The following FGGY variants were observed in gnomAD, a reference collection of about 807,000 sequenced individuals.
FGGY encodes the protein FGGY carbohydrate kinase domain-containing protein.
A neutral mutation model predicts 71.3 loss-of-function variants in FGGY; 72 were observed. The ratio of observed to expected loss-of-function variants is 1.01; its 90% CI spans 0.84 to 1.23. The LOEUF is 1.23. Ranked by LOEUF, FGGY falls within the 50% of genes most tolerant of loss-of-function variation. The pLI, the probability that FGGY is intolerant of heterozygous loss-of-function variation, is 0.00. For synonymous variants in FGGY, 251 were observed against 250.3 expected (o/e 1.00, Z -0.02); for missense variants, 668 against 682.3 (o/e 0.98, Z 0.23).
At chr1:59,742,832 G>T (rs528256431) in intron 14 of FGGY, among the ~76,000 whole-genome samples, 1 of 152,292 alleles carries the variant, frequency 6.6e-6, no homozygotes, top group South Asian at 2.1e-4. Context: ...CATGTCTCTT[G>T]AATTCTTCCA....
chr1:59,535,767 ATCT>A lies in FGGY; in HGVS notation c.800-18352_800-18350del, dbSNP rs1292136167. ...TAACGAAATGAAGGCAGAAATAAAG[ATCT>A]TCTTTGAAACCAACGAGAACAAAGA... On this transcript the variant is annotated intron_variant, in intron 7 of 15. Transcript: ENST00000303721. Among the ~76,000 whole-genome samples the A allele has an allele frequency of 1.2e-3, 186 of 148,996 alleles. 1 individual carries two copies. Among genetic ancestry groups the A allele is most frequent in the Admixed American group, 0.012 (186 of 14,908 alleles).
intron 6 of FGGY, among the ~76,000 whole-genome samples, chr1:59,461,075 G>A (rs972160406): frequency 4.6e-5 from 7 of 152,272 alleles, no homozygotes; most frequent in African/African-American, 1.7e-4. Flanking sequence ...TGACTTTCAC[G>A]AGTTGACAGA....
At chr1:59,507,684 A>T (rs1180476241) in intron 6 of FGGY, among the ~76,000 whole-genome samples, 9 of 106,946 alleles carry the variant, frequency 8.4e-5, no homozygotes, top group African/African-American at 1.6e-4. Flanking sequence ...TGCTTGGCTA[A>T]TTTTTTTTTT....
At chr1:59,673,758 G>T (rs1014212051) in intron 13 of FGGY, 4 of 347,072 alleles carry the variant, frequency 1.2e-5, no homozygotes, top group Admixed American at 3.9e-5. Context: ...GCAGGTAGCA[G>T]CTTGCAGAAG....
At chr1:59,468,122 C>G (rs1481449014) in intron 6 of FGGY, among the ~76,000 whole-genome samples, 1 of 152,020 alleles carries the variant, frequency 6.6e-6, no homozygotes, top group Non-Finnish European at 1.5e-5. Flanking sequence ...AGGCTGGTCT[C>G]GAACTCTCGA....
chr1:59,577,556 AAC>A (rs1558410949), intron 8 of FGGY, among the ~76,000 whole-genome samples: 1 of 152,126 alleles, frequency 6.6e-6, no homozygotes, highest in East Asian at 1.9e-4. Flanking sequence ...CCTGCAAAAA[AAC>A]AGTGTTGAAT....
At chr1:59,461,591 G>T (rs1294069187) in intron 6 of FGGY, among the ~76,000 whole-genome samples, 10 of 152,060 alleles carry the variant, frequency 6.6e-5, no homozygotes, top group Non-Finnish European at 1.2e-4. Context: ...TCCTCAAGAA[G>T]AGCAACCCCA....
chr1:59,762,487 T>C lies in FGGY; in HGVS notation c.1575-16T>C, dbSNP rs1376561513. On this transcript the variant is annotated splice_polypyrimidine_tract_variant and intron_variant, in intron 15 of 15. Transcript: ENST00000303721. The stretch of plus-strand genomic sequence containing the variant: ...TTGTCTTGAGATCATTCAACATATT[T>C]ATATTTCTCCCACAGATACTATGAT... The C allele has an allele frequency of 1.3e-6, 2 of 1,599,974 alleles. No homozygotes were observed. Among genetic ancestry groups the C allele is most frequent in the Non-Finnish European group, 1.7e-6 (2 of 1,168,422 alleles).
intron 8 of FGGY, among the ~76,000 whole-genome samples, chr1:59,572,910 G>C (rs2096011349): frequency 6.6e-6 from 1 of 152,114 alleles, no homozygotes; most frequent in Non-Finnish European, 1.5e-5. Flanking sequence ...TGTCAGCTTT[G>C]TTTTTAGGTT....
chr1:59,409,499 AGCTTGTGT>A (rs775138687), intron 5 of FGGY, among the ~76,000 whole-genome samples: 1 of 152,016 alleles, frequency 6.6e-6, no homozygotes, highest in Non-Finnish European at 1.5e-5. Context: ...TCTGAGTTCC[AGCTTGTGT>A]GCATTGTTCT....
chr1:59,650,530 A>G (rs922918154), intron 11 of FGGY, among the ~76,000 whole-genome samples: 2 of 98,454 alleles, frequency 2.0e-5, no homozygotes, highest in Non-Finnish European at 3.7e-5. Flanking sequence ...TTTCTAGTAT[A>G]TTTGCATAGA....
intron 14 of FGGY, among the ~76,000 whole-genome samples, chr1:59,731,478 C>T (rs939851079): frequency 5.3e-5 from 8 of 152,058 alleles, no homozygotes; most frequent in African/African-American, 1.9e-4. Flanking sequence ...ATCAGGTGGC[C>T]TTTTTTCTGA....
intron 8 of FGGY, among the ~76,000 whole-genome samples, chr1:59,596,430 C>T (rs2096525389): frequency 6.7e-6 from 1 of 148,526 alleles, no homozygotes; most frequent in East Asian, 2.0e-4. Flanking sequence ...TATTTCCTTG[C>T]TTCTCCTTAT....
chr1:59,431,003 A>G (rs1339912864), intron 5 of FGGY, among the ~76,000 whole-genome samples: 3 of 152,172 alleles, frequency 2.0e-5, no homozygotes, highest in Admixed American at 6.5e-5. Flanking sequence ...CCTTGATGGC[A>G]TGCCTTCCAT....
rs990116990 is a variant in FGGY, at chr1:59,594,763, G to A, written c.904-13040G>A. ...AAATAAGCCCACACTATGCACAGAG[G>A]GTATCAACACAAAGAGGGTTCTGTG... is the stretch of plus-strand genomic sequence containing the variant. On this transcript the variant is annotated intron_variant, in intron 8 of 15. Transcript: ENST00000303721. 1.3e-5 allele frequency among the ~76,000 whole-genome samples: 2 copies of A among 152,154 alleles called. 1 individual carries two copies. The highest frequency in any genetic ancestry group is 4.1e-4 in the South Asian group (2 of 4,832).
At chr1:59,642,470 C>G (rs2097042521) in intron 11 of FGGY, among the ~76,000 whole-genome samples, 1 of 151,334 alleles carries the variant, frequency 6.6e-6, no homozygotes. Flanking sequence ...ACTAAAAATA[C>G]AAAAATTAGC....
intron 14 of FGGY, among the ~76,000 whole-genome samples, chr1:59,675,717 A>T (rs1237886311): frequency 6.6e-6 from 1 of 152,230 alleles, no homozygotes; most frequent in East Asian, 1.9e-4. Context: ...TCACAATTAA[A>T]TATCTTGCCC....
At chr1:59,730,514 G>A (rs1238222283) in intron 14 of FGGY, among the ~76,000 whole-genome samples, 5 of 152,018 alleles carry the variant, frequency 3.3e-5, no homozygotes, top group South Asian at 2.1e-4. Context: ...CAAAGTAAGC[G>A]GGCCAATAAA....
intron 11 of FGGY, among the ~76,000 whole-genome samples, chr1:59,643,938 A>G (rs1194195925): frequency 2.0e-5 from 3 of 152,178 alleles, no homozygotes; most frequent in Non-Finnish European, 4.4e-5. Flanking sequence ...TAGGATGCAA[A>G]CTCTGGACTT....
Sources: gnomAD v4.1 joint callset for allele counts (sites outside exome capture counted in the v4.1 genomes callset) on GRCh38, gnomAD v4.1.1 for gene constraint, MANE v1.5 for transcripts, NCBI Gene and HGNC (gene_info 2026-07-23, HGNC 2026-07-21) for gene names.